The following PDE4D variants were observed in gnomAD, a reference collection of about 807,000 sequenced individuals.
PDE4D encodes phosphodiesterase 4D.
Under a neutral mutation model 87.4 loss-of-function variants are expected in PDE4D, and 24 were observed. The observed-to-expected ratio is 0.27, with a 90% CI of 0.20 to 0.39. The LOEUF is 0.39. PDE4D is among the 10% of genes least tolerant of loss of function. PDE4D has a pLI of 1.00. For synonymous variants in PDE4D, 384 were observed against 383.2 expected, an observed-to-expected ratio of 1.00 and a Z score of -0.02; for missense variants, 714 against 1,041.0, an observed-to-expected ratio of 0.69 and a Z score of 4.32.
intron 1 of PDE4D, among the ~76,000 whole-genome samples, chr5:60,283,450 C>A (rs905426275): frequency 6.6e-6 from 1 of 152,114 alleles, no homozygotes; most frequent in Non-Finnish European, 1.5e-5. Context: ...TGTAATTCTG[C>A]ACACAATCAA....
intron 1 of PDE4D, among the ~76,000 whole-genome samples, chr5:59,650,506 T>A (rs1209868380): frequency 6.6e-6 from 1 of 152,138 alleles, no homozygotes; most frequent in African/African-American, 2.4e-5. Flanking sequence ...ATGACAAGTA[T>A]CCTGAATTGA....
At position 60,460,066 on chromosome 5, in the gene PDE4D, A is replaced by G. The variant is rs1746804224; in HGVS notation, c.-90+27876T>C. 1.9e-6 allele frequency: 3 copies of G among 1,594,056 alleles called. No individual in the cohort carries two copies. In the Admixed American group the frequency reaches 5.0e-5, roughly 27 times the overall value. ...AATATCATCTTTGGTGACCTCTCAT[A>G]ACTCATCAGCACCTGCATCAGAATG... On this transcript the variant is annotated intron_variant, in intron 1 of 16. Coordinates refer to the PDE4D transcript ENST00000502484.
intron 6 of PDE4D, among the ~76,000 whole-genome samples, chr5:59,015,358 T>G (rs1010361119): frequency 6.6e-6 from 1 of 152,016 alleles, no homozygotes; most frequent in Admixed American, 6.6e-5. Flanking sequence ...GGGAGAAAAT[T>G]TTTGCTATCT....
At chr5:59,754,793 GAAC>G (rs1204361441) in intron 1 of PDE4D, among the ~76,000 whole-genome samples, 2 of 118,004 alleles carry the variant, frequency 1.7e-5, no homozygotes, top group East Asian at 5.4e-4. Flanking sequence ...ATTTTCCACA[GAAC>G]ATTTTTTTTT....
chr5:60,096,283 A>C (rs6876487), intron 2 of PDE4D, among the ~76,000 whole-genome samples: 151,469 of 152,140 alleles, frequency 1, 75,430 homozygotes, highest in Middle Eastern at 1. Flanking sequence ...TGATCTTTGA[A>C]AAACCTGACA....
chr5:59,953,590 C>T (rs1328243860), intron 3 of PDE4D, among the ~76,000 whole-genome samples: 1 of 152,194 alleles, frequency 6.6e-6, no homozygotes, highest in Non-Finnish European at 1.5e-5. Context: ...CATTTCCTAA[C>T]ATCATGTCAC....
intron 1 of PDE4D, among the ~76,000 whole-genome samples, chr5:59,407,343 A>C (rs1013371419): frequency 3.3e-5 from 5 of 152,188 alleles, no homozygotes; most frequent in African/African-American, 1.2e-4. Context: ...AAATGCTGGC[A>C]TTATGCTTGT....
chr5:59,626,285 A>G (rs928151829), intron 1 of PDE4D, among the ~76,000 whole-genome samples: 4 of 152,230 alleles, frequency 2.6e-5, no homozygotes, highest in African/African-American at 9.6e-5. Context: ...CACAATGGTT[A>G]TATGGAACCA....
intron 1 of PDE4D, among the ~76,000 whole-genome samples, chr5:60,317,678 G>C (rs1755767610): frequency 6.6e-6 from 1 of 152,146 alleles, no homozygotes; most frequent in African/African-American, 2.4e-5. Flanking sequence ...AGAGATTCTG[G>C]TATGTTGTGT....
intron 1 of PDE4D, among the ~76,000 whole-genome samples, chr5:59,823,424 GGAGGGAAGGACA>G (rs1395869537): frequency 1.3e-5 from 2 of 152,088 alleles, no homozygotes; most frequent in African/African-American, 4.8e-5. Flanking sequence ...ATGCAAGAAT[GGAGGGAAGGACA>G]GAGCTTGCCC....
chr5:60,096,704 A>C (rs1320111515), intron 2 of PDE4D, among the ~76,000 whole-genome samples: 1 of 152,086 alleles, frequency 6.6e-6, no homozygotes, highest in East Asian at 1.9e-4. Flanking sequence ...TATAGTTTTG[A>C]TGAGACTAGA....
chr5:59,252,799 T>TG (rs1760228549), intron 1 of PDE4D, among the ~76,000 whole-genome samples: 1 of 152,096 alleles, frequency 6.6e-6, no homozygotes, highest in African/African-American at 2.4e-5. Context: ...AGTGTTAGGA[T>TG]TATAGGTGTG....
intron 1 of PDE4D, among the ~76,000 whole-genome samples, chr5:59,219,727 T>C (rs997427693): frequency 6.6e-6 from 1 of 152,174 alleles, no homozygotes; most frequent in Non-Finnish European, 1.5e-5. Context: ...TTAAATAGCA[T>C]ATAAATACTA....
At chr5:59,702,619 C>T (rs554414549) in intron 1 of PDE4D, among the ~76,000 whole-genome samples, 11 of 151,822 alleles carry the variant, frequency 7.2e-5, no homozygotes, top group African/African-American at 1.7e-4. Flanking sequence ...CTGTAATGCC[C>T]GCACTTTGGG....
chr5:60,109,082 CAT>C (rs1777380047), intron 2 of PDE4D, among the ~76,000 whole-genome samples: 4 of 149,184 alleles, frequency 2.7e-5, no homozygotes, highest in Non-Finnish European at 4.5e-5. Context: ...CAACCTACAA[CAT>C]GGGAGAAAAT....
At chr5:59,757,239 A>G (rs940597594) in intron 1 of PDE4D, among the ~76,000 whole-genome samples, 11 of 152,188 alleles carry the variant, frequency 7.2e-5, no homozygotes, top group African/African-American at 2.4e-4. Context: ...ATTGCACCCA[A>G]TGAAGGTAGG....
At chr5:59,552,853 A>G (rs1454745862) in intron 1 of PDE4D, among the ~76,000 whole-genome samples, 3 of 152,198 alleles carry the variant, frequency 2.0e-5, no homozygotes, top group Non-Finnish European at 2.9e-5. Context: ...TTAAGATTTT[A>G]TCTACCGAAA....
intron 1 of PDE4D, among the ~76,000 whole-genome samples, chr5:60,419,281 T>C (rs1255039092): frequency 2.0e-5 from 3 of 152,066 alleles, no homozygotes; most frequent in African/African-American, 4.8e-5. Flanking sequence ...AAACTGAGTA[T>C]CATGTAGCCC....
chr5:60,175,514 G>A (rs968858742), intron 2 of PDE4D, among the ~76,000 whole-genome samples: 1 of 152,142 alleles, frequency 6.6e-6, no homozygotes, highest in African/African-American at 2.4e-5. Context: ...GTGTAGGACA[G>A]TAGATACTGA....
Sources: allele counts gnomAD v4.1 joint callset (sites outside exome capture counted in the v4.1 genomes callset), GRCh38; gene constraint gnomAD v4.1.1; transcripts MANE v1.5; gene names NCBI Gene and HGNC (gene_info 2026-07-23, HGNC 2026-07-21).